SPOCK1: variants seen among roughly 807,000 people sequenced by gnomAD.
SPOCK1 encodes the protein SPARC (osteonectin), cwcv and kazal like domains proteoglycan 1.
SPOCK1 carries 23 observed loss-of-function variants against 55.3 expected under a neutral mutation model. That is an observed-to-expected ratio of 0.42 (90% confidence interval 0.30 to 0.59). SPOCK1 has a LOEUF of 0.59. Ranked by LOEUF, SPOCK1 falls within the 20% of genes least tolerant of loss-of-function variation. The pLI is 0.22. For synonymous variants in SPOCK1, 226 were observed against 221.0 expected, an observed-to-expected ratio of 1.02 and a Z score of -0.20; for missense variants, 499 against 552.5, an observed-to-expected ratio of 0.90 and a Z score of 0.97.
At chr5:137,400,210 T>C (rs6875823) in intron 2 of SPOCK1, among the ~76,000 whole-genome samples, 34,200 of 152,052 alleles carry the variant, frequency 0.22, 5,354 homozygotes, top group African/African-American at 0.43. Flanking sequence ...CACCAGACCA[T>C]AGTGTGGAAG....
At chr5:137,351,203 T>C (rs1391628445) in intron 2 of SPOCK1, among the ~76,000 whole-genome samples, 1 of 152,214 alleles carries the variant, frequency 6.6e-6, no homozygotes, top group Non-Finnish European at 1.5e-5. Flanking sequence ...CCTTCTGCAC[T>C]GGATCCCCAC....
chr5:137,037,207 T>C (rs575252740), intron 6 of SPOCK1, among the ~76,000 whole-genome samples: 2 of 151,826 alleles, frequency 1.3e-5, no homozygotes, highest in Admixed American at 1.3e-4. Flanking sequence ...CTGATCCAAG[T>C]CATGGTATCG....
chr5:137,451,293 G>A (rs1753250257), intron 2 of SPOCK1, among the ~76,000 whole-genome samples: 1 of 152,082 alleles, frequency 6.6e-6, no homozygotes, highest in Non-Finnish European at 1.5e-5. Context: ...AAACACTCCT[G>A]CACAACGCAG....
chr5:137,338,417 A>G (rs1290681642), intron 2 of SPOCK1, among the ~76,000 whole-genome samples: 1 of 151,980 alleles, frequency 6.6e-6, no homozygotes, highest in African/African-American at 2.4e-5. Context: ...CCAGTCTATC[A>G]TTGATGGACA....
intron 5 of SPOCK1, among the ~76,000 whole-genome samples, chr5:137,086,562 A>C (rs1425676674): frequency 6.6e-6 from 1 of 152,156 alleles, no homozygotes; most frequent in Admixed American, 6.5e-5. Flanking sequence ...CCTTCTCGGG[A>C]GGTGGCTGGC....
At chr5:137,140,495 AT>A in intron 4 of SPOCK1, 84 bp downstream of exon 4, 3 of 1,134,494 alleles carry the variant, frequency 2.6e-6, no homozygotes, top group Non-Finnish European at 3.8e-6. Flanking sequence ...CCCTCCCCAT[AT>A]CCCCACGTCA....
At chr5:137,276,581 A>G (rs1329325795) in intron 2 of SPOCK1, among the ~76,000 whole-genome samples, 1 of 152,254 alleles carries the variant, frequency 6.6e-6, no homozygotes, top group Non-Finnish European at 1.5e-5. Context: ...TGAATGAATA[A>G]GATAACAATC....
intron 6 of SPOCK1, among the ~76,000 whole-genome samples, chr5:136,993,432 G>A (rs775208465): frequency 9.9e-5 from 15 of 152,258 alleles, no homozygotes; most frequent in African/African-American, 2.9e-4. Context: ...CAGGGCATAC[G>A]CTAATTCTTG....
chr5:137,307,872 T>C (rs1221024471), intron 2 of SPOCK1, among the ~76,000 whole-genome samples: 1 of 152,204 alleles, frequency 6.6e-6, no homozygotes, highest in Non-Finnish European at 1.5e-5. Context: ...TGACCTTGCA[T>C]AGTGCTGACT....
At chr5:137,113,168 T>C (rs1297199854) in intron 4 of SPOCK1, among the ~76,000 whole-genome samples, 1 of 152,220 alleles carries the variant, frequency 6.6e-6, no homozygotes, top group East Asian at 1.9e-4. Flanking sequence ...ATAATCAGAA[T>C]TCTACTCTTT....
chr5:137,477,870 T>C (rs1414060360), intron 2 of SPOCK1, among the ~76,000 whole-genome samples: 1 of 152,238 alleles, frequency 6.6e-6, no homozygotes, highest in African/African-American at 2.4e-5. Flanking sequence ...TGGCTTCATG[T>C]AAGGAAGCTG....
intron 2 of SPOCK1, among the ~76,000 whole-genome samples, chr5:137,335,997 C>A (rs1333195861): frequency 6.6e-6 from 1 of 152,166 alleles, no homozygotes; most frequent in Admixed American, 6.5e-5. Flanking sequence ...GACTCACAGA[C>A]CCTAATGATT....
At chr5:137,223,308 GA>G (rs5871626) in intron 3 of SPOCK1, among the ~76,000 whole-genome samples, 289 of 141,462 alleles carry the variant, frequency 2.0e-3, no homozygotes, top group African/African-American at 3.9e-3. Context: ...GCTATAACAT[GA>G]AAAAAAAAAA....
intron 6 of SPOCK1, among the ~76,000 whole-genome samples, chr5:137,017,026 G>A (rs535396188): frequency 1.3e-5 from 2 of 152,362 alleles, no homozygotes; most frequent in South Asian, 4.1e-4. Context: ...AGGCCCTGCA[G>A]CATGCTGTGG....
At chr5:137,127,858 G>C (rs1025951506) in intron 4 of SPOCK1, among the ~76,000 whole-genome samples, 1 of 152,150 alleles carries the variant, frequency 6.6e-6, no homozygotes, top group Non-Finnish European at 1.5e-5. Flanking sequence ...TGAGAGTTTG[G>C]ACTTAAGACT....
At chr5:137,233,740 G>GTTTTTAT (rs1756118959) in intron 3 of SPOCK1, among the ~76,000 whole-genome samples, 1 of 61,870 alleles carries the variant, frequency 1.6e-5, no homozygotes, top group African/African-American at 6.6e-5. Flanking sequence ...TTTTTTTTTG[G>GTTTTTAT]TTATTGATCT....
intron 6 of SPOCK1, among the ~76,000 whole-genome samples, chr5:137,028,151 T>C (rs1046664203): frequency 6.6e-6 from 1 of 152,140 alleles, no homozygotes; most frequent in Non-Finnish European, 1.5e-5. Flanking sequence ...GAGTGGTGAA[T>C]CTCCTCTGTG....
At chr5:137,383,664 C>T (rs1751528695) in intron 2 of SPOCK1, among the ~76,000 whole-genome samples, 1 of 152,162 alleles carries the variant, frequency 6.6e-6, no homozygotes, top group Non-Finnish European at 1.5e-5. Context: ...ATAGATGCAG[C>T]CACTGATTGA....
chr5:137,039,829 G>A (rs980518586), intron 6 of SPOCK1, among the ~76,000 whole-genome samples: 5 of 152,210 alleles, frequency 3.3e-5, no homozygotes, highest in African/African-American at 1.2e-4. Flanking sequence ...GCAATGCTGG[G>A]TATTCACAGG....
Sources: allele counts gnomAD v4.1 joint callset (sites outside exome capture counted in the v4.1 genomes callset), GRCh38; gene constraint gnomAD v4.1.1; transcripts MANE v1.5; gene names NCBI Gene and HGNC (gene_info 2026-07-23, HGNC 2026-07-21).